Variants in TBC1D22A observed in about 807,000 individuals in gnomAD.
TBC1D22A encodes putative GTPase activator.
A neutral mutation model predicts 60.2 loss-of-function variants in TBC1D22A; 38 were observed. The observed-to-expected ratio is 0.63, with a 90% CI of 0.49 to 0.83. The LOEUF is 0.83. Among genes scored for constraint, TBC1D22A ranks in the 40% least tolerant of loss-of-function variants. The pLI is 0.00. For missense variants in TBC1D22A, 628 were observed against 701.0 expected (o/e 0.90, Z 1.18); for synonymous variants, 302 against 281.7 (o/e 1.07, Z -0.72).
At chr22:47,059,455 A>G (rs2063501268) in intron 11 of TBC1D22A, among the ~76,000 whole-genome samples, 1 of 152,190 alleles carries the variant, frequency 6.6e-6, no homozygotes, top group African/African-American at 2.4e-5. Context: ...GAGTCATTTG[A>G]GCTGCATGTA....
chr22:46,793,909 T>C, intron 3 of TBC1D22A, 68 bp downstream of exon 3: 3 of 1,380,998 alleles, frequency 2.2e-6, no homozygotes, highest in Non-Finnish European at 2.9e-6. Context: ...CAGAACACAC[T>C]CACTGTGGGA....
intron 11 of TBC1D22A, among the ~76,000 whole-genome samples, chr22:47,106,915 G>A (rs1287605475): frequency 1.3e-5 from 2 of 152,142 alleles, no homozygotes; most frequent in African/African-American, 2.4e-5. Flanking sequence ...TCTGGCGACA[G>A]AGCGAGACTC....
intron 12 of TBC1D22A, among the ~76,000 whole-genome samples, chr22:47,122,344 T>G (rs1344361981): frequency 6.6e-6 from 1 of 152,184 alleles, no homozygotes; most frequent in Non-Finnish European, 1.5e-5. Context: ...AAGGGCCACA[T>G]TTCATTCATG....
intron 11 of TBC1D22A, among the ~76,000 whole-genome samples, chr22:47,090,500 C>T (rs2064878181): frequency 6.6e-6 from 1 of 152,228 alleles, no homozygotes; most frequent in Non-Finnish European, 1.5e-5. Flanking sequence ...ATGCCCTTTA[C>T]TGTCCTGTTT....
chr22:46,792,525 A>G lies in TBC1D22A; in HGVS notation c.68A>G (p.Gln23Arg), dbSNP rs2084457782. The G allele has an allele frequency of 1.2e-6, 2 of 1,614,234 alleles. No homozygotes were observed. Among genetic ancestry groups the G allele is most frequent in the South Asian group, 2.2e-5 (2 of 91,086 alleles). The change falls in exon 2 of 13, where the codon CAG becomes CGG. Residue 23 changes from glutamine (Q) to arginine (R), a missense_variant. Transcript: ENST00000337137. ...RSNSKLPGSI[Q>R]HVYGAQHPPF... ...TTCCTTTTCTTTTCCATCAGCATCC[A>G]GCACGTGTATGGTGCCCAGCACCCC...
chr22:46,997,562 C>T (rs2075162269), intron 9 of TBC1D22A, 72 bp from the exon 10 acceptor site: 1 of 1,231,706 alleles, frequency 8.1e-7, no homozygotes, highest in Admixed American at 1.8e-5. Context: ...TTTATCCCAG[C>T]TGCCTTTTTC....
At chr22:46,969,034 CT>C (rs2073944229) in intron 8 of TBC1D22A, among the ~76,000 whole-genome samples, 1 of 152,114 alleles carries the variant, frequency 6.6e-6, no homozygotes, top group Admixed American at 6.5e-5. Flanking sequence ...AGCACCGGCC[CT>C]GCCCACTGGA....
chr22:47,060,796 CA>C (rs1331636598), intron 11 of TBC1D22A, among the ~76,000 whole-genome samples: 1 of 152,230 alleles, frequency 6.6e-6, no homozygotes, highest in African/African-American at 2.4e-5. Flanking sequence ...GTCAGTCCAG[CA>C]GCAGGTGCCT....
At chr22:47,155,278 G>A (rs9615466) in intron 12 of TBC1D22A, among the ~76,000 whole-genome samples, 34 of 152,186 alleles carry the variant, frequency 2.2e-4, no homozygotes, top group Non-Finnish European at 4.1e-4. Context: ...GAGACTCCTC[G>A]GAAGGCGGAT....
chr22:47,027,397 T>C (rs889418837), intron 10 of TBC1D22A, among the ~76,000 whole-genome samples: 1 of 152,190 alleles, frequency 6.6e-6, no homozygotes, highest in Non-Finnish European at 1.5e-5. Flanking sequence ...GTAAGTTCTT[T>C]AGTGGTGATT....
intron 11 of TBC1D22A, among the ~76,000 whole-genome samples, chr22:47,041,099 A>G (rs2062829537): frequency 6.6e-6 from 1 of 152,140 alleles, no homozygotes; most frequent in Non-Finnish European, 1.5e-5. Flanking sequence ...CTTTTTTTCT[A>G]AGGAAAGGGA....
chr22:47,112,345 G>A (rs1302046968), intron 12 of TBC1D22A, among the ~76,000 whole-genome samples: 1 of 152,250 alleles, frequency 6.6e-6, no homozygotes, highest in East Asian at 1.9e-4. Context: ...GACCCCAGCA[G>A]TGGGAAGCAG....
intron 11 of TBC1D22A, among the ~76,000 whole-genome samples, chr22:47,108,866 T>G (rs992777459): frequency 6.6e-6 from 1 of 152,178 alleles, no homozygotes; most frequent in Non-Finnish European, 1.5e-5. Context: ...CAGCTAATTT[T>G]TTGTATTTTT....
rs6009100 is a variant in TBC1D22A at position 47,011,753 on chromosome 22, T to C, written c.1201+14044T>C. 7.3e-3 allele frequency among the ~76,000 whole-genome samples: 1,114 copies of C among 152,294 alleles called. 4 individuals are homozygous for C. Among genetic ancestry groups the C allele is most frequent in the African/African-American group, 0.025 (1,059 of 41,546 alleles). On this transcript the variant is annotated intron_variant, in intron 10 of 12. Coordinates refer to ENST00000337137, the MANE Select transcript of TBC1D22A (RefSeq NM_014346.5). ...TTTCTTTGGGTTTTCTTCTTAGCTTTTGTTTTCCCTGAGGATCTCAAATCC... is the reference window on the plus strand; with the variant it reads ...TTTCTTTGGGTTTTCTTCTTAGCTTCTGTTTTCCCTGAGGATCTCAAATCC...
chr22:46,844,361 T>A (rs912387898), intron 4 of TBC1D22A, among the ~76,000 whole-genome samples: 1 of 152,158 alleles, frequency 6.6e-6, no homozygotes, highest in African/African-American at 2.4e-5. Flanking sequence ...TAAGCTTAGT[T>A]GCATTTAGTT....
At chr22:46,907,479 A>G (rs1219030170) in intron 7 of TBC1D22A, among the ~76,000 whole-genome samples, 1 of 152,162 alleles carries the variant, frequency 6.6e-6, no homozygotes, top group African/African-American at 2.4e-5. Flanking sequence ...ATCTGTCCAC[A>G]CAGACCCCCA....
chr22:47,078,412 G>A (rs564230302), intron 11 of TBC1D22A, among the ~76,000 whole-genome samples: 6 of 152,324 alleles, frequency 3.9e-5, no homozygotes, highest in East Asian at 1.9e-4. Flanking sequence ...TCCCCTCCCC[G>A]GAGAGCTAAG....
At chr22:46,793,086 CTT>C (rs1456381004) in intron 2 of TBC1D22A, among the ~76,000 whole-genome samples, 4 of 152,274 alleles carry the variant, frequency 2.6e-5, no homozygotes, top group Non-Finnish European at 5.9e-5. Flanking sequence ...TTGGGGGAAT[CTT>C]GTTTAAATGA....
intron 5 of TBC1D22A, among the ~76,000 whole-genome samples, chr22:46,885,694 G>A (rs142478466): frequency 1.2e-3 from 182 of 152,118 alleles, no homozygotes; most frequent in African/African-American, 4.3e-3. Flanking sequence ...GCCCCCCCTT[G>A]TAATTTTATG....
Sources: gnomAD v4.1 joint callset for allele counts (sites outside exome capture counted in the v4.1 genomes callset) on GRCh38, gnomAD v4.1.1 for gene constraint, MANE v1.5 for transcripts, NCBI Gene and HGNC (gene_info 2026-07-23, HGNC 2026-07-21) for gene names.